THRB: variants seen among roughly 807,000 people sequenced by gnomAD.
The protein encoded by THRB is nuclear receptor subfamily 1 group A member 2.
Under a neutral mutation model 47.8 loss-of-function variants are expected in THRB, and 12 were observed. The ratio of observed to expected loss-of-function variants is 0.25; its 90% CI spans 0.16 to 0.41. The LOEUF (loss-of-function observed/expected upper bound fraction) is 0.41. Ranked by LOEUF, THRB falls within the 10% of genes least tolerant of loss-of-function variation. The pLI is 1.00. For missense variants in THRB, 348 were observed against 589.2 expected (o/e 0.59, Z 4.24); for synonymous variants, 218 against 212.2 (o/e 1.03, Z -0.24).
chr3:24,418,322 T>C (rs983775748), intron 1 of THRB, among the ~76,000 whole-genome samples: 5 of 151,646 alleles, frequency 3.3e-5, no homozygotes, highest in Non-Finnish European at 7.4e-5. Flanking sequence ...ATAAGACTTT[T>C]AAAAGACTTT....
intron 4 of THRB, among the ~76,000 whole-genome samples, chr3:24,218,773 C>T (rs1390361972): frequency 6.6e-6 from 1 of 152,068 alleles, no homozygotes; most frequent in Non-Finnish European, 1.5e-5. Context: ...AAGATTTCCC[C>T]AAGTGAGTTA....
chr3:24,357,908 T>C (rs941409193), intron 1 of THRB, among the ~76,000 whole-genome samples: 1 of 152,154 alleles, frequency 6.6e-6, no homozygotes, highest in Non-Finnish European at 1.5e-5. Flanking sequence ...TATCATTCTT[T>C]ACTTCCTTGC....
At chr3:24,221,718 T>C (rs944428321) in intron 4 of THRB, among the ~76,000 whole-genome samples, 2 of 152,238 alleles carry the variant, frequency 1.3e-5, no homozygotes, top group Non-Finnish European at 2.9e-5. Flanking sequence ...CATTTCAACT[T>C]CCTGATTACC....
chr3:24,472,885 T>A (rs747028043), intron 1 of THRB, among the ~76,000 whole-genome samples: 1 of 152,152 alleles, frequency 6.6e-6, no homozygotes, highest in Non-Finnish European at 1.5e-5. Context: ...CTTGTGCCCT[T>A]TTATTTATAA....
chr3:24,183,671 C>T (rs1274885619), intron 5 of THRB, among the ~76,000 whole-genome samples: 6 of 144,018 alleles, frequency 4.2e-5, no homozygotes, highest in African/African-American at 1.3e-4. Context: ...CGGCGCCTGG[C>T]CTTTCATCTT....
At chr3:24,186,850 C>G (rs1450330834) in intron 5 of THRB, among the ~76,000 whole-genome samples, 1 of 144,218 alleles carries the variant, frequency 6.9e-6, no homozygotes, top group Admixed American at 7.4e-5. Context: ...GAGGCTGAGG[C>G]AGGAGAATTG....
intron 1 of THRB, among the ~76,000 whole-genome samples, chr3:24,391,278 T>C (rs952228618): frequency 1.3e-5 from 2 of 152,170 alleles, no homozygotes; most frequent in Non-Finnish European, 2.9e-5. Flanking sequence ...ATAATTATAA[T>C]TCAGCTACAG....
intron 2 of THRB, among the ~76,000 whole-genome samples, chr3:24,318,184 A>G (rs1055671283): frequency 6.6e-6 from 1 of 152,224 alleles, no homozygotes; most frequent in Non-Finnish European, 1.5e-5. Context: ...GTTTGCAGGT[A>G]AATCAAAAGG....
chr3:24,312,640 T>A (rs2057833200), intron 2 of THRB, among the ~76,000 whole-genome samples: 1 of 152,172 alleles, frequency 6.6e-6, no homozygotes, highest in South Asian at 2.1e-4. Flanking sequence ...CACATTCTTT[T>A]TTTCTCTATT....
At chr3:24,157,777 C>T (rs996994013) in intron 5 of THRB, among the ~76,000 whole-genome samples, 3 of 152,138 alleles carry the variant, frequency 2.0e-5, no homozygotes, top group Non-Finnish European at 2.9e-5. Context: ...ACCAGCCTCC[C>T]GTCTTGGCCT....
intron 2 of THRB, among the ~76,000 whole-genome samples, chr3:24,331,030 A>G (rs1269399976): frequency 6.6e-6 from 1 of 152,134 alleles, no homozygotes; most frequent in African/African-American, 2.4e-5. Flanking sequence ...AGAGTTCCAA[A>G]AGAGCTATGA....
chr3:24,418,978 AC>A (rs1019669087), intron 1 of THRB, among the ~76,000 whole-genome samples: 2 of 151,704 alleles, frequency 1.3e-5, no homozygotes, highest in Admixed American at 1.3e-4. Context: ...CACATCTATC[AC>A]CCCCCATACC....
intron 3 of THRB, among the ~76,000 whole-genome samples, chr3:24,269,740 G>A (rs1443892282): frequency 6.6e-6 from 1 of 151,846 alleles, no homozygotes; most frequent in Non-Finnish European, 1.5e-5. Context: ...CCAGCCTTAA[G>A]TTATTTCTGA....
At position 24,196,738 on chromosome 3, in the gene THRB, AAAATTGGATTCCTAGATTCTGTGCAAGGC is replaced by A. The variant is rs543077101; in HGVS notation, c.23-6433_23-6405del. ...GCCATGGCCCAAGGAATGTATCTCT[AAAATTGGATTCCTAGATTCTGTGCAAGGC>A]AAATGGGAGAAGAATTTTGGTGAAG... On this transcript the variant is annotated intron_variant, in intron 4 of 10. Coordinates refer to ENST00000646209, the MANE Select transcript of THRB (RefSeq NM_001354712.2). Among the ~76,000 whole-genome samples, 236 of 152,366 alleles carry A rather than the reference AAAATTGGATTCCTAGATTCTGTGCAAGGC, an allele frequency of 1.5e-3. 4 individuals are homozygous for A. Among genetic ancestry groups the A allele is most frequent in the African/African-American group, 5.4e-3 (223 of 41,596 alleles).
chr3:24,157,180 A>G (rs578031783), intron 5 of THRB, among the ~76,000 whole-genome samples: 6 of 152,080 alleles, frequency 3.9e-5, no homozygotes, highest in African/African-American at 7.2e-5. Context: ...ACAATTCACA[A>G]TCTTTCCTCA....
chr3:24,307,057 A>C (rs1282833360), intron 2 of THRB, among the ~76,000 whole-genome samples: 1 of 151,658 alleles, frequency 6.6e-6, no homozygotes, highest in Non-Finnish European at 1.5e-5. Flanking sequence ...ATAATAATAA[A>C]TTATAATAAA....
At chr3:24,428,887 CAAAA>C (rs61288447) in intron 1 of THRB, among the ~76,000 whole-genome samples, 307 of 146,006 alleles carry the variant, frequency 2.1e-3, no homozygotes, top group African/African-American at 7.0e-3. Context: ...GAAGGTAAGC[CAAAA>C]AAAAAAAAAA....
chr3:24,470,428 A>G (rs531084773), intron 1 of THRB, among the ~76,000 whole-genome samples: 15 of 152,330 alleles, frequency 9.8e-5, no homozygotes, highest in African/African-American at 3.6e-4. Flanking sequence ...TGTACTAGCT[A>G]TGTGACCTTA....
chr3:24,241,023 G>A (rs1325787794), intron 3 of THRB, among the ~76,000 whole-genome samples: 1 of 152,144 alleles, frequency 6.6e-6, no homozygotes, highest in Non-Finnish European at 1.5e-5. Context: ...CTGTGTTGGT[G>A]GACTGTGCCC....
Sources: gnomAD v4.1 joint callset for allele counts (sites outside exome capture counted in the v4.1 genomes callset) on GRCh38, gnomAD v4.1.1 for gene constraint, MANE v1.5 for transcripts, NCBI Gene and HGNC (gene_info 2026-07-23, HGNC 2026-07-21) for gene names.